Variants in LPP observed in about 807,000 individuals in gnomAD.
The protein encoded by LPP is lipoma-preferred partner.
Under a neutral mutation model 60.4 loss-of-function variants are expected in LPP, and 38 were observed. That is an observed-to-expected ratio of 0.63 (90% CI 0.49 to 0.83). The LOEUF (loss-of-function observed/expected upper bound fraction) is 0.83, where lower values mean the gene tolerates loss of function less well. LPP is among the 40% of genes least tolerant of loss of function. The pLI, the probability that LPP is intolerant of heterozygous loss-of-function variation, is 0.00. For missense variants in LPP, 902 were observed against 783.6 expected (o/e 1.15, Z -1.80); for synonymous variants, 328 against 290.8 (o/e 1.13, Z -1.30).
intron 8 of LPP, among the ~76,000 whole-genome samples, chr3:188,734,480 G>A (rs1303361008): frequency 1.3e-5 from 2 of 152,222 alleles, no homozygotes; most frequent in African/African-American, 4.8e-5. Flanking sequence ...GCTCAGAGTA[G>A]CATTGGGGTT....
chr3:188,878,572 C>T lies in LPP; in HGVS notation c.*4093C>T, dbSNP rs1304490625. The stretch of plus-strand genomic sequence containing the variant: ...GAAAAAGACACCTCTGCAAAATGTG[C>T]CTCAAGTCCATTTCTTGGGATCGCT... On this transcript the variant is annotated 3_prime_UTR_variant, in exon 12 of 12. Transcript: ENST00000617246. The T allele has an allele frequency of 2.4e-5, 5 of 210,836 alleles. No individual in the cohort carries two copies. Among genetic ancestry groups the T allele is most frequent in the Non-Finnish European group, 4.8e-5 (5 of 103,648 alleles). The allele number at this position is 210,836 out of a possible 1,614,324, so 13.1% of individuals were successfully genotyped here.
intron 5 of LPP, among the ~76,000 whole-genome samples, chr3:188,518,946 A>G (rs1818137505): frequency 6.6e-6 from 1 of 152,180 alleles, no homozygotes; most frequent in African/African-American, 2.4e-5. Flanking sequence ...CCCTACCTTG[A>G]AACCGAAATG....
chr3:188,857,114 T>C (rs1255295881), intron 9 of LPP, among the ~76,000 whole-genome samples: 1 of 152,164 alleles, frequency 6.6e-6, no homozygotes, highest in Non-Finnish European at 1.5e-5. Flanking sequence ...CAAAATAGTA[T>C]ATCACATTGG....
At chr3:188,658,403 C>G (rs1853836730) in intron 7 of LPP, among the ~76,000 whole-genome samples, 1 of 71,318 alleles carries the variant, frequency 1.4e-5, no homozygotes, top group South Asian at 7.0e-4. Context: ...GCCTTGGCCT[C>G]CTAACTGAAG....
At chr3:188,348,760 T>G (rs575565205) in intron 3 of LPP, among the ~76,000 whole-genome samples, 2 of 152,222 alleles carry the variant, frequency 1.3e-5, no homozygotes, top group Non-Finnish European at 2.9e-5. Flanking sequence ...TGCTCATTAG[T>G]GTTTGAGAAA....
At chr3:188,504,106 T>A (rs1812766395) in intron 5 of LPP, among the ~76,000 whole-genome samples, 1 of 152,242 alleles carries the variant, frequency 6.6e-6, no homozygotes, top group South Asian at 2.1e-4. Context: ...CCCACAGGTC[T>A]CTTAGGCTCA....
chr3:188,868,867 G>C (rs1374723948), intron 10 of LPP, among the ~76,000 whole-genome samples: 2 of 152,166 alleles, frequency 1.3e-5, no homozygotes, highest in African/African-American at 4.8e-5. Context: ...TGCTGAAGGA[G>C]AGAGATACAA....
intron 3 of LPP, among the ~76,000 whole-genome samples, chr3:188,354,564 GT>G (rs1259175250): frequency 6.6e-6 from 1 of 151,856 alleles, no homozygotes; most frequent in Non-Finnish European, 1.5e-5. Flanking sequence ...AGGAATGGAT[GT>G]TTTTTTTCTT....
At chr3:188,229,469 C>A (rs1719044739) in intron 2 of LPP, among the ~76,000 whole-genome samples, 1 of 152,196 alleles carries the variant, frequency 6.6e-6, no homozygotes, top group African/African-American at 2.4e-5. Context: ...TCACTTCCGT[C>A]AGAGGTGAAT....
chr3:188,577,884 C>T (rs187728086), intron 6 of LPP, among the ~76,000 whole-genome samples: 1 of 146,312 alleles, frequency 6.8e-6, no homozygotes, highest in Non-Finnish European at 1.5e-5. Flanking sequence ...TTCTGTCTTC[C>T]TCTCCCCACC....
intron 6 of LPP, among the ~76,000 whole-genome samples, chr3:188,548,238 G>C (rs1827177218): frequency 6.6e-6 from 1 of 152,126 alleles, no homozygotes; most frequent in South Asian, 2.1e-4. Flanking sequence ...ATTTTTAGCA[G>C]GCAAGCTATT....
At chr3:188,271,192 T>G (rs1737610971) in intron 2 of LPP, among the ~76,000 whole-genome samples, 1 of 152,240 alleles carries the variant, frequency 6.6e-6, no homozygotes, top group Non-Finnish European at 1.5e-5. Context: ...AATCTTCAAT[T>G]GACAGATTAT....
intron 5 of LPP, among the ~76,000 whole-genome samples, chr3:188,506,860 C>G (rs902073268): frequency 5.3e-5 from 8 of 151,966 alleles, no homozygotes; most frequent in African/African-American, 1.7e-4. Flanking sequence ...TGCAGTGGCG[C>G]AATCTCGGCT....
chr3:188,740,950 G>T (rs905118627), intron 8 of LPP, among the ~76,000 whole-genome samples: 4 of 151,918 alleles, frequency 2.6e-5, no homozygotes, highest in South Asian at 2.1e-4. Context: ...TAGCAAATAA[G>T]CAAATTTGAG....
At chr3:188,500,713 T>C (rs1811572490) in intron 5 of LPP, among the ~76,000 whole-genome samples, 2 of 152,198 alleles carry the variant, frequency 1.3e-5, no homozygotes, top group Admixed American at 1.3e-4. Flanking sequence ...TTTTGGATAC[T>C]GATTCAATCT....
chr3:188,631,153 A>T (rs1374353502), intron 7 of LPP, among the ~76,000 whole-genome samples: 1 of 152,182 alleles, frequency 6.6e-6, no homozygotes, highest in Non-Finnish European at 1.5e-5. Flanking sequence ...AAACCTGCAC[A>T]TGTATCCCCT....
chr3:188,234,097 G>C (rs1383984521), intron 2 of LPP, among the ~76,000 whole-genome samples: 1 of 152,062 alleles, frequency 6.6e-6, no homozygotes, highest in East Asian at 1.9e-4. Flanking sequence ...CCCCTTGTTA[G>C]AAACCCGTTA....
intron 2 of LPP, among the ~76,000 whole-genome samples, chr3:188,284,154 G>A (rs1194326879): frequency 6.6e-6 from 1 of 151,878 alleles, no homozygotes; most frequent in Non-Finnish European, 1.5e-5. Flanking sequence ...CACTTTGAGA[G>A]GCCAAGGTGG....
intron 9 of LPP, among the ~76,000 whole-genome samples, chr3:188,768,209 G>A (rs1237025768): frequency 3.9e-5 from 6 of 152,054 alleles, no homozygotes; most frequent in Non-Finnish European, 5.9e-5. Context: ...ACTAATCAAA[G>A]TTTTCAGATC....
Sources: allele counts gnomAD v4.1 joint callset (sites outside exome capture counted in the v4.1 genomes callset), GRCh38; gene constraint gnomAD v4.1.1; transcripts MANE v1.5; gene names NCBI Gene and HGNC (gene_info 2026-07-23, HGNC 2026-07-21).